EPN2: variants seen among roughly 807,000 people sequenced by gnomAD.
EPN2 encodes the protein epsin-2.
A neutral mutation model predicts 61.7 loss-of-function variants in EPN2; 34 were observed. The ratio of observed to expected loss-of-function variants is 0.55; its 90% confidence interval spans 0.42 to 0.73. The LOEUF is 0.73. EPN2 is among the 30% of genes least tolerant of loss of function. EPN2 has a pLI of 0.00. For synonymous variants in EPN2, 349 were observed against 353.6 expected (o/e 0.99, Z 0.15); for missense variants, 714 against 839.2 (o/e 0.85, Z 1.84).
chr17:19,282,310 A>G (rs2045366227), intron 2 of EPN2: 1 of 152,202 alleles, frequency 6.6e-6, no homozygotes, highest in Admixed American at 6.5e-5. Context: ...AAATTCTTGA[A>G]CAGGGAAGGT....
chr17:19,302,628 T>G (rs1567861062), intron 4 of EPN2, among the ~76,000 whole-genome samples: 1 of 152,216 alleles, frequency 6.6e-6, no homozygotes, highest in Non-Finnish European at 1.5e-5. Context: ...TTCTATATTA[T>G]GGTGAGTTGT....
rs1032358906 is a variant in EPN2, at chr17:19,283,017, C to T, written c.-103C>T. ...AAATGACCATTCAGGGATCTTACTC[C>T]AGCTTGATTACGGAGACTGAACCTT... On this transcript the variant is annotated 5_prime_UTR_variant, in exon 3 of 11. Transcript: ENST00000314728. This position sits in a 1 kb window ranked among gnomAD's most constrained non-coding sequence, Gnocchi z 7.0. 4 of 783,828 alleles carry T rather than the reference C, an allele frequency of 5.1e-6. No individual in the cohort carries two copies. The Admixed American group carries it at 8.8e-5, about 17-fold the overall frequency. 48.6% of individuals were successfully genotyped at this position (783,828 alleles called of 1,614,324 possible).
chr17:19,309,815 C>T, intron 4 of EPN2, 70 bp from the exon 5 acceptor site: 2 of 1,261,990 alleles, frequency 1.6e-6, no homozygotes, highest in South Asian at 1.2e-5. Context: ...GTGGTCTGCC[C>T]AGGAAACTGC....
chr17:19,262,866 T>C (rs2045157087), intron 1 of EPN2, among the ~76,000 whole-genome samples: 1 of 152,266 alleles, frequency 6.6e-6, no homozygotes, highest in Non-Finnish European at 1.5e-5. Context: ...TTTGGCTTCT[T>C]ACATTCAGTG....
chr17:19,329,935 C>T (rs867019803), intron 9 of EPN2, among the ~76,000 whole-genome samples: 1 of 152,214 alleles, frequency 6.6e-6, no homozygotes, highest in Non-Finnish European at 1.5e-5. Flanking sequence ...CTGGCCTGAT[C>T]CAGCATTTCC....
At chr17:19,247,099 G>T (rs1293466359) in intron 1 of EPN2, among the ~76,000 whole-genome samples, 2 of 152,182 alleles carry the variant, frequency 1.3e-5, no homozygotes, top group Non-Finnish European at 2.9e-5. Flanking sequence ...ACTCAGAGCT[G>T]TCCTGGGATA....
At chr17:19,266,468 T>A (rs562184300) in intron 1 of EPN2, among the ~76,000 whole-genome samples, 5 of 151,888 alleles carry the variant, frequency 3.3e-5, no homozygotes, top group Admixed American at 3.3e-4. Flanking sequence ...AGTGGCGCGA[T>A]CTTGGCCCAC....
At chr17:19,281,112 A>G (rs1199260729) in intron 1 of EPN2, among the ~76,000 whole-genome samples, 1 of 152,244 alleles carries the variant, frequency 6.6e-6, no homozygotes, top group Non-Finnish European at 1.5e-5. Flanking sequence ...GTGTTCAGCC[A>G]TCCAGAAGCT....
intron 7 of EPN2, among the ~76,000 whole-genome samples, chr17:19,314,212 G>A (rs950822073): frequency 2.0e-5 from 3 of 152,132 alleles, no homozygotes; most frequent in Non-Finnish European, 1.5e-5. Flanking sequence ...GCTCAGGAGC[G>A]GGCAGGGCAG....
In EPN2 at chr17:19,283,214, C is replaced by T. The variant is rs761265480; in HGVS notation, c.95C>T (p.Pro32Leu). 7.4e-6 allele frequency: 12 copies of T among 1,614,026 alleles called. No homozygotes were observed. In the Middle Eastern group the frequency reaches 6.6e-4, roughly 88 times the overall value. ...GTCCGGGAAGCCACCTCCAATGACC[C>T]GTGGGGCCCGTCCAGTTCTCTGATG... ...IKVREATSND[P>L]WGPSSSLMTE... Residue 32 changes from proline (P) to leucine (L), a missense_variant, in exon 3 of 11, where the codon CCG becomes CTG. By Grantham distance (98) the Pro-to-Leu change is moderately conservative. Transcript: ENST00000314728. The surrounding 1 kb of genome is among the most constrained non-coding windows in gnomAD (Gnocchi z 7.0).
rs542316333 is a variant in EPN2 at position 19,290,475 on chromosome 17, C to T, written c.766+4685C>T. ...TGGAAAGAAAGATTGCTGCTGTCCT[C>T]TCACCAAGGACACTCTAAGGCCAGG... On this transcript the variant is annotated intron_variant, in intron 4 of 10. Coordinates refer to ENST00000314728, the MANE Select transcript of EPN2 (RefSeq NM_014964.5). Among the ~76,000 whole-genome samples, 186 of 152,256 alleles carry T rather than the reference C, an allele frequency of 1.2e-3. 1 individual carries two copies. Among genetic ancestry groups the T allele is most frequent in the South Asian group, 2.7e-3 (13 of 4,824 alleles).
intron 4 of EPN2, among the ~76,000 whole-genome samples, chr17:19,289,936 G>T (rs2045446617): frequency 6.6e-6 from 1 of 151,740 alleles, no homozygotes; most frequent in Admixed American, 6.6e-5. Flanking sequence ...TGTTGGCCAG[G>T]TCTTGAACCC....
At chr17:19,327,819 A>C (rs760519790) in intron 7 of EPN2, among the ~76,000 whole-genome samples, 1 of 152,210 alleles carries the variant, frequency 6.6e-6, no homozygotes, top group African/African-American at 2.4e-5. Context: ...GCTAATAAAC[A>C]GTTCATAATG....
chr17:19,237,755 C>T (rs1330360948), intron 1 of EPN2, among the ~76,000 whole-genome samples: 1 of 151,960 alleles, frequency 6.6e-6, no homozygotes, highest in African/African-American at 2.4e-5. Context: ...GCCCCCTTCC[C>T]ATCTGGATCC....
chr17:19,238,312 C>T (rs1015934915), intron 1 of EPN2, among the ~76,000 whole-genome samples: 6 of 152,222 alleles, frequency 3.9e-5, no homozygotes, highest in Non-Finnish European at 8.8e-5. Context: ...GGGGCGGCTC[C>T]CCTAGAGCCG....
At chr17:19,241,320 C>T (rs759178009) in intron 1 of EPN2, among the ~76,000 whole-genome samples, 2 of 152,240 alleles carry the variant, frequency 1.3e-5, no homozygotes, top group Middle Eastern at 3.4e-3. Flanking sequence ...CATGGTGGCT[C>T]ACGCCTGTAA....
At chr17:19,289,072 ATG>A (rs2045432583) in intron 4 of EPN2, among the ~76,000 whole-genome samples, 1 of 71,436 alleles carries the variant, frequency 1.4e-5, no homozygotes, top group African/African-American at 7.3e-5. Context: ...GGTTCTGGGT[ATG>A]TTTTTTTTTT....
At chr17:19,264,802 G>T (rs1187608464) in intron 1 of EPN2, among the ~76,000 whole-genome samples, 1 of 152,122 alleles carries the variant, frequency 6.6e-6, no homozygotes, top group African/African-American at 2.4e-5. Context: ...ATGTGTGCCA[G>T]GCACTGTGCC....
At chr17:19,312,178 C>G (rs1425379190) in intron 6 of EPN2, 34 bp downstream of exon 6, 1 of 1,509,500 alleles carries the variant, frequency 6.6e-7, no homozygotes, top group Non-Finnish European at 9.2e-7. Flanking sequence ...ATGTTTCACC[C>G]TGTCCTGTAG....
Sources: gnomAD v4.1 joint callset for allele counts (sites outside exome capture counted in the v4.1 genomes callset) on GRCh38, gnomAD v4.1.1 for gene constraint, Gnocchi (gnomAD v3.1) non-coding constraint, MANE v1.5 for transcripts, NCBI Gene and HGNC (gene_info 2026-07-23, HGNC 2026-07-21) for gene names.